Variants in SGCD observed in about 807,000 individuals in gnomAD.
SGCD encodes sarcoglycan delta.
Under a neutral mutation model 36.6 loss-of-function variants are expected in SGCD, and 18 were observed. The observed-to-expected ratio is 0.49, with a 90% CI of 0.34 to 0.73. The LOEUF is 0.73. Ranked by LOEUF, SGCD falls within the 30% of genes least tolerant of loss-of-function variation. SGCD has a pLI of 0.01. For missense variants in SGCD, 387 were observed against 346.7 expected (o/e 1.12, Z -0.92); for synonymous variants, 133 against 130.6 (o/e 1.02, Z -0.12).
intron 1 of SGCD, among the ~76,000 whole-genome samples, chr5:155,879,457 A>G (rs1193313168): frequency 6.6e-6 from 1 of 152,078 alleles, no homozygotes; most frequent in Non-Finnish European, 1.5e-5. Context: ...ACTTCCCTGG[A>G]TAGCGTTGTC....
At chr5:155,786,149 A>T in the SGCD span, among the ~76,000 whole-genome samples, 9 of 152,224 alleles carry the variant, frequency 5.9e-5, no homozygotes, top group Non-Finnish European at 1.3e-4. Context: ...ATTTGCAATA[A>T]TATCTCCTTT....
In SGCD at chr5:156,192,516, A is replaced by T. The variant is rs1763917538; in HGVS notation, c.-44+68497A>T. ...GGAATGAAGAGAGGTAAGTTAATGG[A>T]TGCAAACACAGATTGAAGGAATAAG... On this transcript the variant is annotated intron_variant, in intron 3 of 9. Transcript: ENST00000517913. Among the ~76,000 whole-genome samples, 5 of 152,186 alleles carry T rather than the reference A, an allele frequency of 3.3e-5. No individual in the cohort carries two copies. The South Asian group carries it at 8.3e-4, about 25-fold the overall frequency.
intron 3 of SGCD, among the ~76,000 whole-genome samples, chr5:156,254,599 A>G (rs1426344653): frequency 1.3e-5 from 2 of 152,148 alleles, no homozygotes; most frequent in Non-Finnish European, 2.9e-5. Flanking sequence ...CTGTTATCCC[A>G]GTGATTTGAG....
chr5:155,781,281 G>T, the SGCD span, among the ~76,000 whole-genome samples: 4 of 151,960 alleles, frequency 2.6e-5, no homozygotes, highest in Admixed American at 2.6e-4. Context: ...TGGGTCTCCC[G>T]ACTTCAGGTC....
Position 156,647,335 on chromosome 5 carries a change from G to A in SGCD, c.503-129G>A, listed in dbSNP as rs1763267094. 6.9e-6 allele frequency: 4 copies of A among 580,952 alleles called. No homozygotes were observed. The Admixed American group carries it at 9.0e-5, about 13-fold the overall frequency. The allele number at this position is 580,952 out of a possible 1,614,324, so 36.0% of individuals were successfully genotyped here. A position where few individuals can be genotyped will look rare whatever the true frequency, so the allele number is the denominator to read the frequency against. ...TTCCTATCATGGAGCTCTAAAGCCA[G>A]TGGAAAAATATGTGGGTATGGGGTT... On this transcript the variant is annotated intron_variant, in intron 6 of 8. Coordinates refer to ENST00000337851, the MANE Select transcript of SGCD (RefSeq NM_000337.6).
At chr5:156,513,385 G>A (rs1445408484) in intron 4 of SGCD, among the ~76,000 whole-genome samples, 1 of 152,132 alleles carries the variant, frequency 6.6e-6, no homozygotes, top group Non-Finnish European at 1.5e-5. Context: ...GTTATCTTCA[G>A]CTTACTGGTC....
intron 4 of SGCD, among the ~76,000 whole-genome samples, chr5:156,568,703 T>C (rs1363309913): frequency 6.6e-6 from 1 of 152,224 alleles, no homozygotes; most frequent in Non-Finnish European, 1.5e-5. Context: ...TCTTCTGACA[T>C]GCTAAAAGTG....
chr5:156,324,694 T>C (rs1045786569), upstream of SGCD, among the ~76,000 whole-genome samples: 1 of 152,190 alleles, frequency 6.6e-6, no homozygotes, highest in Non-Finnish European at 1.5e-5. Context: ...GAGTTTTTTT[T>C]AAATTGATTA....
intron 3 of SGCD, among the ~76,000 whole-genome samples, chr5:156,308,158 G>A (rs1005669553): frequency 2.6e-5 from 4 of 152,068 alleles, no homozygotes; most frequent in Non-Finnish European, 4.4e-5. Context: ...AATTCAAAAC[G>A]AAAAGAGGTT....
At chr5:156,729,605 A>G (rs547993663) in intron 7 of SGCD, among the ~76,000 whole-genome samples, 14 of 152,332 alleles carry the variant, frequency 9.2e-5, no homozygotes, top group African/African-American at 2.4e-4. Context: ...TATCTTTTCT[A>G]TCAGTGTCTT....
Position 156,761,081 on chromosome 5 carries a change from C to A in SGCD, c.*1691C>A, listed in dbSNP as rs528979795. 6.6e-6 allele frequency: 1 copy of A among 152,302 alleles called. No individual in the cohort carries two copies. The highest frequency in any genetic ancestry group is 1.5e-5 in the Non-Finnish European group (1 of 68,038). The allele number at this position is 152,302 out of a possible 1,614,324, so 9.4% of individuals were successfully genotyped here. A position where few individuals can be genotyped will look rare whatever the true frequency, so the allele number is the denominator to read the frequency against. On this transcript the variant is annotated 3_prime_UTR_variant, in exon 9 of 9. Coordinates refer to ENST00000337851, the MANE Select transcript of SGCD (RefSeq NM_000337.6). ...CATTTGGATTTTTCTTTTCCCTCAA[C>A]AAGGTTTTACTTTTTCTTACTTTAC... is the stretch of plus-strand genomic sequence containing the variant.
the SGCD span, among the ~76,000 whole-genome samples, chr5:155,798,038 C>T: frequency 6.6e-6 from 1 of 152,136 alleles, no homozygotes; most frequent in Non-Finnish European, 1.5e-5. Context: ...GGTAGGCACC[C>T]AAAACACCAC....
chr5:156,139,705 G>A (rs116046681), intron 3 of SGCD, among the ~76,000 whole-genome samples: 3,151 of 152,216 alleles, frequency 0.021, 44 homozygotes, highest in Non-Finnish European at 0.035. Context: ...TCACTCCCCC[G>A]TTTTAAAATA....
intron 7 of SGCD, among the ~76,000 whole-genome samples, chr5:156,647,871 A>G (rs1763290277): frequency 6.6e-6 from 1 of 152,180 alleles, no homozygotes; most frequent in Non-Finnish European, 1.5e-5. Flanking sequence ...AAGAAAAATG[A>G]TATCTAAAAG....
At chr5:156,508,071 C>T (rs977391147) in intron 3 of SGCD, among the ~76,000 whole-genome samples, 18 of 152,062 alleles carry the variant, frequency 1.2e-4, no homozygotes, top group African/African-American at 4.3e-4. Context: ...TATGTGTTTG[C>T]TATCTGTTCT....
At chr5:155,912,485 A>G (rs182060718) in intron 1 of SGCD, among the ~76,000 whole-genome samples, 1 of 152,200 alleles carries the variant, frequency 6.6e-6, no homozygotes, top group Admixed American at 6.5e-5. Context: ...GGCATTCGAA[A>G]CTAGTCTCTT....
At chr5:155,815,095 C>T in the SGCD span, among the ~76,000 whole-genome samples, 2 of 152,012 alleles carry the variant, frequency 1.3e-5, no homozygotes, top group African/African-American at 4.8e-5. Context: ...AATTGTTTCT[C>T]TCACTTATTT....
chr5:156,146,229 A>G (rs1762708835), intron 3 of SGCD, among the ~76,000 whole-genome samples: 1 of 152,154 alleles, frequency 6.6e-6, no homozygotes, highest in Admixed American at 6.5e-5. Context: ...ACAAAACAAA[A>G]AAGGATTTGA....
chr5:155,787,596 T>C, the SGCD span, among the ~76,000 whole-genome samples: 1 of 152,136 alleles, frequency 6.6e-6, no homozygotes, highest in Non-Finnish European at 1.5e-5. Flanking sequence ...TGGGGGAGTG[T>C]TGTGGTTCTT....
Sources: allele counts gnomAD v4.1 joint callset (sites outside exome capture counted in the v4.1 genomes callset), GRCh38; gene constraint gnomAD v4.1.1; transcripts MANE v1.5; gene names NCBI Gene and HGNC (gene_info 2026-07-23, HGNC 2026-07-21).